The following CLDND2 variants were observed in gnomAD, a reference collection of about 807,000 sequenced individuals.
CLDND2 encodes the protein claudin domain containing 2.
Under a neutral mutation model 17.7 loss-of-function variants are expected in CLDND2, and 18 were observed. The ratio of observed to expected loss-of-function variants is 1.02; its 90% CI spans 0.70 to 1.51. The LOEUF is 1.51. Ranked by LOEUF, CLDND2 falls within the 40% of genes most tolerant of loss-of-function variation. CLDND2 has a pLI of 0.00. For missense variants in CLDND2, 233 were observed against 219.6 expected, an observed-to-expected ratio of 1.06 and a Z score of -0.39; for synonymous variants, 113 against 93.0, an observed-to-expected ratio of 1.22 and a Z score of -1.24.
In CLDND2 at chr19:51,368,611, A is replaced by C; in HGVS notation, c.-34T>G. On this transcript the variant is annotated 5_prime_UTR_variant, in exon 1 of 4. Transcript: ENST00000291715. ...GGCTGCAGCCGGGGGCCACAAGGGCAGGATGGGCCCAGGCCTTTCCTACCC... is the reference window on the plus strand; with the variant it reads ...GGCTGCAGCCGGGGGCCACAAGGGCCGGATGGGCCCAGGCCTTTCCTACCC... 6.3e-7 allele frequency: 1 copy of C among 1,597,972 alleles called. No homozygotes were observed. The highest frequency in any genetic ancestry group is 1.1e-5 in the South Asian group (1 of 89,960).
chr19:51,368,428 G>A lies in CLDND2; in HGVS notation c.150C>T (p.Cys50=). ...CCTCACTCTGGCAGGGGATGCTGGA[G>A]CAGATGCCGTGGTTGCATTCCTGCC... ...GLWQECNHGI[C]SSIPCQTTLA... The change falls in exon 1 of 4, where the codon TGC becomes TGT. Residue 50 remains cysteine (C), a synonymous_variant. Coordinates refer to ENST00000291715, the MANE Select transcript of CLDND2 (RefSeq NM_152353.3). 6.2e-7 allele frequency: 1 copy of A among 1,613,268 alleles called. No individual in the cohort carries two copies. Among genetic ancestry groups the A allele is most frequent in the Non-Finnish European group, 8.5e-7 (1 of 1,179,882 alleles).
Position 51,367,648 on chromosome 19 carries a change from G to T in CLDND2, c.311-72C>A. The T allele has an allele frequency of 6.5e-7, 1 of 1,543,260 alleles. No individual in the cohort carries two copies. ...GCTGCACCCAGGCCACGCCCCTTCA[G>T]ACCCGCCCCCTTCTATCAGACCACG... On this transcript the variant is annotated intron_variant, in intron 2 of 3. Coordinates refer to ENST00000291715, the MANE Select transcript of CLDND2 (RefSeq NM_152353.3). The surrounding 1 kb of genome is among the most constrained non-coding windows in gnomAD (Gnocchi z 7.4).
At position 51,368,035 on chromosome 19, in the gene CLDND2, AGCGGGCGCATCAGCCCCC is replaced by A. The variant is rs760045153; in HGVS notation, c.170-27_170-10del. The stretch of plus-strand genomic sequence containing the variant: ...AGTCACCGCCAGCGTGGCTGGGGAG[AGCGGGCGCATCAGCCCCC>A]GCGGGCGCCGCCCCAGTCACTACGG... On this transcript the variant is annotated splice_polypyrimidine_tract_variant and intron_variant, in intron 1 of 3. Transcript: ENST00000291715. The A allele has an allele frequency of 1.1e-5, 18 of 1,600,674 alleles. No individual in the cohort carries two copies. In the Admixed American group the frequency reaches 1.9e-4, roughly 17 times the overall value.
At position 51,368,007 on chromosome 19, in the gene CLDND2, C is replaced by T; in HGVS notation, c.189G>A (p.Val63=). 6.2e-7 allele frequency: 1 copy of T among 1,611,248 alleles called. No individual in the cohort carries two copies. Among genetic ancestry groups the T allele is most frequent in the South Asian group, 1.1e-5 (1 of 90,794 alleles). Residue 63 remains valine, a synonymous_variant, in exon 2 of 4, where the codon GTG becomes GTA. Coordinates refer to ENST00000291715, the MANE Select transcript of CLDND2 (RefSeq NM_152353.3). ...CACCCACCGCCAGCACCATGCACGCCACAGTCACCGCCAGCGTGGCTGGGG... is the reference window on the plus strand; with the variant it reads ...CACCCACCGCCAGCACCATGCACGCTACAGTCACCGCCAGCGTGGCTGGGG... ...IPCQTTLAVT[V]ACMVLAVGVG...
At chr19:51,368,096 A>G (rs1322226020) in intron 1 of CLDND2, 70 bp from the exon 2 acceptor site, 1 of 1,479,510 alleles carries the variant, frequency 6.8e-7, no homozygotes, top group African/African-American at 1.4e-5. Flanking sequence ...CGCAACCGGA[A>G]GCTCTCCCGT....
chr19:51,368,728 C>T lies in CLDND2; in HGVS notation c.-151G>A, dbSNP rs1986547710. 3.1e-6 allele frequency: 2 copies of T among 649,304 alleles called. No homozygotes were observed. The highest frequency in any genetic ancestry group is 3.0e-5 in the Admixed American group (1 of 33,350). 40.2% of individuals were successfully genotyped at this position (649,304 alleles called of 1,614,324 possible). A position where few individuals can be genotyped will look rare whatever the true frequency, so the allele number is the denominator to read the frequency against. ...TGCTTCTGGGGACCTGGAGACCCCCCTCCCTCAACAACCCTGCCTGAGGAT... is the reference window on the plus strand; with the variant it reads ...TGCTTCTGGGGACCTGGAGACCCCCTTCCCTCAACAACCCTGCCTGAGGAT... On this transcript the variant is annotated 5_prime_UTR_variant, in exon 1 of 4. Coordinates refer to ENST00000291715, the MANE Select transcript of CLDND2 (RefSeq NM_152353.3).
chr19:51,367,042 A>G, downstream of CLDND2: 3 of 1,107,892 alleles, frequency 2.7e-6, no homozygotes, highest in Non-Finnish European at 4.2e-6. This position sits in a 1 kb window ranked among gnomAD's most constrained non-coding sequence, Gnocchi z 7.4. Context: ...CTGAGCCTCT[A>G]TGCAACCCCG....
In CLDND2 at chr19:51,367,229, G is replaced by A; in HGVS notation, c.431-14C>T. On this transcript the variant is annotated splice_polypyrimidine_tract_variant and intron_variant, in intron 3 of 3. Transcript: ENST00000291715. This position sits in a 1 kb window ranked among gnomAD's most constrained non-coding sequence, Gnocchi z 7.4. Reference sequence around the variant, plus strand: ...GAAAGCAGAAGCCTGGGGGGACGGGGGTGCGGAGCAGGGAGAGGAAGGTGG... The same window carrying A: ...GAAAGCAGAAGCCTGGGGGGACGGGAGTGCGGAGCAGGGAGAGGAAGGTGG... The A allele has an allele frequency of 6.2e-7, 1 of 1,614,004 alleles. No individual in the cohort carries two copies. Among genetic ancestry groups the A allele is most frequent in the Non-Finnish European group, 8.5e-7 (1 of 1,179,930 alleles).
chr19:51,367,678 T>C lies in CLDND2; in HGVS notation c.311-102A>G. On this transcript the variant is annotated intron_variant, in intron 2 of 3. Coordinates refer to ENST00000291715, the MANE Select transcript of CLDND2 (RefSeq NM_152353.3). This position sits in a 1 kb window ranked among gnomAD's most constrained non-coding sequence, Gnocchi z 7.4. ...GCCCCCTTCTATCAGACCACGCCTA[T>C]CGCCTCTCAGCCCGCCCCTGGCCCA... 1 of 1,504,576 alleles carries C rather than the reference T, an allele frequency of 6.6e-7. No individual in the cohort carries two copies. The highest frequency in any genetic ancestry group is 8.9e-7 in the Non-Finnish European group (1 of 1,125,992). The allele number at this position is 1,504,576 out of a possible 1,614,324, so 93.2% of individuals were successfully genotyped here.
rs766917605 is a variant in CLDND2 at position 51,367,886 on chromosome 19, C to T, written c.310G>A (p.Gly104Arg). The change falls in exon 2 of 4, where the codon GGA becomes AGA. Residue 104 changes from glycine (G) to arginine (R), a missense_variant and splice_region_variant. Physicochemically the swap from Gly to Arg is moderately radical, Grantham distance 125. Coordinates refer to ENST00000291715, the MANE Select transcript of CLDND2 (RefSeq NM_152353.3). This position sits in a 1 kb window ranked among gnomAD's most constrained non-coding sequence, Gnocchi z 7.4. Reference sequence around the variant, plus strand: ...CGCCTGGGGCGGTCTGCAGTCTCACCGCCGAGGAAGAGGAAGGCGCTCGTG... The same window carrying T: ...CGCCTGGGGCGGTCTGCAGTCTCACTGCCGAGGAAGAGGAAGGCGCTCGTG... ...QTTSAFLFLGGLLLLTALIGY... is the reference protein window; with the variant it reads ...QTTSAFLFLGRLLLLTALIGY... 5.1e-5 allele frequency: 82 copies of T among 1,610,270 alleles called. No homozygotes were observed. The highest frequency in any genetic ancestry group is 6.7e-5 in the Non-Finnish European group (79 of 1,179,598).
rs771527720 is a variant in CLDND2 at position 51,368,038 on chromosome 19, G to C, written c.170-12C>G. 1.3e-6 allele frequency: 2 copies of C among 1,597,336 alleles called. No individual in the cohort carries two copies. The highest frequency in any genetic ancestry group is 8.5e-7 in the Non-Finnish European group (1 of 1,173,530). On this transcript the variant is annotated splice_polypyrimidine_tract_variant and intron_variant, in intron 1 of 3. Coordinates refer to ENST00000291715, the MANE Select transcript of CLDND2 (RefSeq NM_152353.3). ...CACCGCCAGCGTGGCTGGGGAGAGCGGGCGCATCAGCCCCCGCGGGCGCCG... is the reference window on the plus strand; with the variant it reads ...CACCGCCAGCGTGGCTGGGGAGAGCCGGCGCATCAGCCCCCGCGGGCGCCG...
At position 51,367,311 on chromosome 19, in the gene CLDND2, G is replaced by C; in HGVS notation, c.431-96C>G. On this transcript the variant is annotated intron_variant, in intron 3 of 3. Coordinates refer to ENST00000291715, the MANE Select transcript of CLDND2 (RefSeq NM_152353.3). This position sits in a 1 kb window ranked among gnomAD's most constrained non-coding sequence, Gnocchi z 7.4. The stretch of plus-strand genomic sequence containing the variant: ...GGACTGGGGTTTGGGGCTCCAAGGG[G>C]GTCTCTGCCGGGTCTGCGGGAGTCG... 7.0e-7 allele frequency: 1 copy of C among 1,426,250 alleles called. No individual in the cohort carries two copies. The highest frequency in any genetic ancestry group is 9.8e-7 in the Non-Finnish European group (1 of 1,021,030). The allele number at this position is 1,426,250 out of a possible 1,614,324, so 88.3% of individuals were successfully genotyped here.
rs763616424 is a variant in CLDND2 at position 51,367,283 on chromosome 19, C to T, written c.431-68G>A. The T allele has an allele frequency of 2.6e-6, 4 of 1,543,434 alleles. No individual in the cohort carries two copies. In the African/African-American group the frequency reaches 4.1e-5, roughly 16 times the overall value. ...CTGGGGCGGATGGCCGGGAGGGCCC[C>T]GGGGACTGGGGTTTGGGGCTCCAAG... On this transcript the variant is annotated intron_variant, in intron 3 of 3. Transcript: ENST00000291715. The surrounding 1 kb of genome is among the most constrained non-coding windows in gnomAD (Gnocchi z 7.4).
chr19:51,367,517 C>A lies in CLDND2; in HGVS notation c.370G>T (p.Val124Phe), dbSNP rs61737052. The change falls in exon 3 of 4, where the codon GTC (valine) becomes TTC (phenylalanine). Residue 124 changes from valine to phenylalanine, a missense_variant. Coordinates refer to ENST00000291715, the MANE Select transcript of CLDND2 (RefSeq NM_152353.3). The surrounding 1 kb of genome is among the most constrained non-coding windows in gnomAD (Gnocchi z 7.4). ...GAAAAATAGGACCAAGAGAAGAAGA[C>A]GTTGTTCTTCCACGCATTCTTCACG... ...YTVKNAWKNNVFFSWSYFSGW... is the reference protein window; with the variant it reads ...YTVKNAWKNNFFFSWSYFSGW... 14,044 of 1,610,696 alleles carry A rather than the reference C, an allele frequency of 8.7e-3. 1,002 individuals carry two copies. The African/African-American group carries it at 0.16, about 18-fold the overall frequency.
chr19:51,367,677 A>G lies in CLDND2; in HGVS notation c.311-101T>C, dbSNP rs1361867230. The G allele has an allele frequency of 2.8e-5, 42 of 1,504,424 alleles. No homozygotes were observed. The highest frequency in any genetic ancestry group is 3.6e-5 in the Non-Finnish European group (41 of 1,126,000). 93.2% of individuals were successfully genotyped at this position (1,504,424 alleles called of 1,614,324 possible). A position where few individuals can be genotyped will look rare whatever the true frequency, so the allele number is the denominator to read the frequency against. On this transcript the variant is annotated intron_variant, in intron 2 of 3. Transcript: ENST00000291715. The surrounding 1 kb of genome is among the most constrained non-coding windows in gnomAD (Gnocchi z 7.4). ...CGCCCCCTTCTATCAGACCACGCCT[A>G]TCGCCTCTCAGCCCGCCCCTGGCCC...
Position 51,367,390 on chromosome 19 carries a change from TG to T in CLDND2, c.430+66del. On this transcript the variant is annotated intron_variant, in intron 3 of 3. Transcript: ENST00000291715. This position sits in a 1 kb window ranked among gnomAD's most constrained non-coding sequence, Gnocchi z 7.4. ...CCCCGGGGTTTCCTGGGAGGGCAGC[TG>T]GGGAGCCTCTGGGGTGAGGGTCTTC... is the stretch of plus-strand genomic sequence containing the variant. The T allele has an allele frequency of 6.7e-7, 1 of 1,495,864 alleles. No homozygotes were observed. The highest frequency in any genetic ancestry group is 9.2e-7 in the Non-Finnish European group (1 of 1,092,142). 92.7% of individuals were successfully genotyped at this position (1,495,864 alleles called of 1,614,324 possible).
In CLDND2 at chr19:51,368,659, C is replaced by T. The variant is rs73934365; in HGVS notation, c.-82G>A. 4.6e-3 allele frequency: 5,863 copies of T among 1,261,946 alleles called. 206 individuals are homozygous for T. The African/African-American group carries it at 0.077, about 17-fold the overall frequency. The allele number at this position is 1,261,946 out of a possible 1,614,324, so 78.2% of individuals were successfully genotyped here. The stretch of plus-strand genomic sequence containing the variant: ...CCCCGAGGCCCCCAGCTGAGGAGCC[C>T]GCTTCCTCCACACTCCTCCCCTGGT... On this transcript the variant is annotated 5_prime_UTR_variant, in exon 1 of 4. Transcript: ENST00000291715.
chr19:51,368,363 TG>T, intron 1 of CLDND2, 45 bp downstream of exon 1: 1 of 1,569,672 alleles, frequency 6.4e-7, no homozygotes, highest in Non-Finnish European at 8.6e-7. Flanking sequence ...TCCCGAGCCC[TG>T]GGGGTCTGAA....
chr19:51,367,285 G>T lies in CLDND2; in HGVS notation c.431-70C>A. 2.6e-6 allele frequency: 4 copies of T among 1,540,240 alleles called. No individual in the cohort carries two copies. Among genetic ancestry groups the T allele is most frequent in the Non-Finnish European group, 2.7e-6 (3 of 1,115,966 alleles). On this transcript the variant is annotated intron_variant, in intron 3 of 3. Transcript: ENST00000291715. The surrounding 1 kb of genome is among the most constrained non-coding windows in gnomAD (Gnocchi z 7.4). The stretch of plus-strand genomic sequence containing the variant: ...GGGGCGGATGGCCGGGAGGGCCCCG[G>T]GGACTGGGGTTTGGGGCTCCAAGGG...
Sources: allele counts gnomAD v4.1 joint callset, GRCh38; gene constraint gnomAD v4.1.1; non-coding constraint Gnocchi (gnomAD v3.1); transcripts MANE v1.5; gene names NCBI Gene and HGNC (gene_info 2026-07-23, HGNC 2026-07-21).